The following PTPRN2 variants were observed in gnomAD, a reference collection of about 807,000 sequenced individuals.
PTPRN2 encodes the protein protein tyrosine phosphatase receptor type N2, also known as receptor-type tyrosine-protein phosphatase N2.
In PTPRN2, 74 loss-of-function variants were observed where a neutral mutation model predicts 118.8. That is an observed-to-expected ratio of 0.62 (90% CI 0.52 to 0.76). The LOEUF (loss-of-function observed/expected upper bound fraction) is 0.76, where lower values mean the gene tolerates loss of function less well. PTPRN2 is among the 30% of genes least tolerant of loss of function. The pLI, the probability that PTPRN2 is intolerant of heterozygous loss-of-function variation, is 0.00. For missense variants in PTPRN2, 1,481 were observed against 1,394.4 expected (o/e 1.06, Z -0.99); for synonymous variants, 641 against 608.0 (o/e 1.05, Z -0.80).
intron 12 of PTPRN2, among the ~76,000 whole-genome samples, chr7:157,725,609 C>T (rs1799529792): frequency 3.7e-5 from 5 of 136,680 alleles, no homozygotes; most frequent in South Asian, 2.4e-4. Context: ...GATACCTACA[C>T]CCAGAGGAGT....
At chr7:158,311,033 G>T (rs920321325) in intron 3 of PTPRN2, among the ~76,000 whole-genome samples, 3 of 152,154 alleles carry the variant, frequency 2.0e-5, no homozygotes, top group Non-Finnish European at 4.4e-5. Context: ...TCAGCAAGAA[G>T]GAAAGCCTCC....
At chr7:157,851,266 T>G (rs1324504117) in intron 12 of PTPRN2, among the ~76,000 whole-genome samples, 1 of 152,258 alleles carries the variant, frequency 6.6e-6, no homozygotes, top group Non-Finnish European at 1.5e-5. Flanking sequence ...ATGCACTGTT[T>G]AAATAATAAC....
At chr7:158,403,910 A>G (rs766381634) in intron 2 of PTPRN2, among the ~76,000 whole-genome samples, 1 of 152,248 alleles carries the variant, frequency 6.6e-6, no homozygotes, top group Non-Finnish European at 1.5e-5. Context: ...AATTAAGGTA[A>G]TGAGGTTTAA....
chr7:157,617,772 A>C lies in PTPRN2; in HGVS notation c.2344+3590T>G, dbSNP rs1274145847. 6.6e-6 allele frequency: 1 copy of C among 152,290 alleles called. No individual in the cohort carries two copies. The highest frequency in any genetic ancestry group is 2.4e-5 in the African/African-American group (1 of 41,462). 9.4% of individuals were successfully genotyped at this position (152,290 alleles called of 1,614,324 possible). Reference sequence around the variant, plus strand: ...TCAGAAGCTGGGAGATGTGAACCCCACATGACTCTCCTCCTTGCTGTCTTC... The same window carrying C: ...TCAGAAGCTGGGAGATGTGAACCCCCCATGACTCTCCTCCTTGCTGTCTTC... On this transcript the variant is annotated intron_variant, in intron 15 of 22. Coordinates refer to ENST00000389418, the MANE Select transcript of PTPRN2 (RefSeq NM_002847.5). The surrounding 1 kb of genome is among the most constrained non-coding windows in gnomAD (Gnocchi z 7.5).
At chr7:157,577,513 T>G (rs1048512386) in intron 18 of PTPRN2, among the ~76,000 whole-genome samples, 1 of 152,028 alleles carries the variant, frequency 6.6e-6, no homozygotes, top group African/African-American at 2.4e-5. Context: ...CAGGTTATCC[T>G]CAAATAAAAA....
intron 3 of PTPRN2, among the ~76,000 whole-genome samples, chr7:158,241,146 C>T (rs951340738): frequency 1.3e-5 from 2 of 152,218 alleles, no homozygotes; most frequent in Non-Finnish European, 2.9e-5. Context: ...CTTCAGTTAC[C>T]AGGTGACTCT....
chr7:158,218,927 T>C (rs1333899716), intron 3 of PTPRN2, among the ~76,000 whole-genome samples: 1 of 152,170 alleles, frequency 6.6e-6, no homozygotes, highest in Non-Finnish European at 1.5e-5. Flanking sequence ...GCACCCAGAT[T>C]CATAAAACAA....
intron 2 of PTPRN2, among the ~76,000 whole-genome samples, chr7:158,326,713 C>T (rs1323192406): frequency 1.3e-5 from 2 of 150,994 alleles, no homozygotes; most frequent in East Asian, 2.0e-4. Context: ...CTCACACATG[C>T]TCTCACATGC....
chr7:157,947,742 A>G (rs1390945206), intron 11 of PTPRN2, among the ~76,000 whole-genome samples: 1 of 152,224 alleles, frequency 6.6e-6, no homozygotes, highest in Admixed American at 6.5e-5. Flanking sequence ...TGATTCAAAG[A>G]GATCCATGCT....
At chr7:157,683,232 T>C (rs1796997208) in intron 12 of PTPRN2, among the ~76,000 whole-genome samples, 1 of 152,234 alleles carries the variant, frequency 6.6e-6, no homozygotes, top group African/African-American at 2.4e-5. Context: ...GGCAGCTAAT[T>C]TGCTGCCTTA....
chr7:158,049,033 A>ACC (rs373695029), intron 11 of PTPRN2, among the ~76,000 whole-genome samples: 2 of 38,714 alleles, frequency 5.2e-5, no homozygotes, highest in Non-Finnish European at 1.0e-4. Context: ...CACTATCACC[A>ACC]ACACCATCAT....
chr7:157,961,482 G>C (rs1801531349), intron 11 of PTPRN2, among the ~76,000 whole-genome samples: 1 of 150,620 alleles, frequency 6.6e-6, no homozygotes, highest in Admixed American at 6.6e-5. Flanking sequence ...GCAGTGAGTT[G>C]AGATTGTGCC....
At chr7:157,665,463 C>T (rs981222202) in intron 13 of PTPRN2, among the ~76,000 whole-genome samples, 5 of 152,236 alleles carry the variant, frequency 3.3e-5, no homozygotes, top group African/African-American at 4.8e-5. Flanking sequence ...CGAATTCCCT[C>T]CCCACTCTGA....
At position 158,438,909 on chromosome 7, in the gene PTPRN2, CA is replaced by C. The variant is rs1396413968; in HGVS notation, c.163+50825del. The stretch of plus-strand genomic sequence containing the variant: ...AAGTCAAGCTGGGAACTGCTCAGGG[CA>C]AACCTGCCTCCCATTCTGTTCAAAG... On this transcript the variant is annotated intron_variant, in intron 2 of 22. Transcript: ENST00000389418. This position sits in a 1 kb window ranked among gnomAD's most constrained non-coding sequence, Gnocchi z 4.7. 1.3e-5 allele frequency among the ~76,000 whole-genome samples: 2 copies of C among 152,268 alleles called. No individual in the cohort carries two copies. The highest frequency in any genetic ancestry group is 2.9e-5 in the Non-Finnish European group (2 of 68,014).
intron 3 of PTPRN2, among the ~76,000 whole-genome samples, chr7:158,213,270 C>T (rs892124379): frequency 6.7e-6 from 1 of 148,398 alleles, no homozygotes; most frequent in Admixed American, 6.7e-5. Context: ...AAGTCCAGAA[C>T]ATGATGAGAA....
At chr7:158,186,469 C>G (rs180928463) in intron 5 of PTPRN2, among the ~76,000 whole-genome samples, 4 of 152,208 alleles carry the variant, frequency 2.6e-5, no homozygotes, top group African/African-American at 9.6e-5. Flanking sequence ...GTCTCCTGGT[C>G]GTCCCCCAAG....
chr7:158,341,749 G>A (rs200918003), intron 2 of PTPRN2, among the ~76,000 whole-genome samples: 50 of 22,508 alleles, frequency 2.2e-3, no homozygotes, highest in African/African-American at 7.0e-3. Context: ...CACTCACACC[G>A]ACACTCTCAC....
chr7:157,715,593 A>G (rs945337647), intron 12 of PTPRN2, among the ~76,000 whole-genome samples: 1 of 152,134 alleles, frequency 6.6e-6, no homozygotes, highest in African/African-American at 2.4e-5. Context: ...AGCTGATCAT[A>G]GCTCCATCAT....
At chr7:157,684,776 T>A (rs1387944959) in intron 12 of PTPRN2, among the ~76,000 whole-genome samples, 1 of 150,834 alleles carries the variant, frequency 6.6e-6, no homozygotes, top group East Asian at 2.0e-4. Flanking sequence ...ACGCGCCACC[T>A]CCCCCGGGCC....
Sources: allele counts gnomAD v4.1 joint callset (sites outside exome capture counted in the v4.1 genomes callset), GRCh38; gene constraint gnomAD v4.1.1; non-coding constraint Gnocchi (gnomAD v3.1); transcripts MANE v1.5; gene names NCBI Gene and HGNC (gene_info 2026-07-23, HGNC 2026-07-21).